The following COL4A5 variants were observed in gnomAD, a reference collection of about 807,000 sequenced individuals.
COL4A5 encodes the protein collagen type IV alpha 5 chain.
In COL4A5, 26 loss-of-function variants were observed where a neutral mutation model predicts 130.2. The observed-to-expected ratio is 0.20, with a 90% CI of 0.15 to 0.28. COL4A5 has a LOEUF of 0.28. Among genes scored for constraint, COL4A5 ranks in the 10% least tolerant of loss-of-function variants. The probability of loss-of-function intolerance (pLI) is 1.00; values close to 1 mark genes in which losing one functional copy is unlikely to be tolerated. For synonymous variants in COL4A5, 496 were observed against 439.6 expected (o/e 1.13, Z -1.60); for missense variants, 1,131 against 1,344.3 (o/e 0.84, Z 2.48).
At chrX:108,681,617 C>T in intron 46 of COL4A5, 143 bp from the exon 47 acceptor site, 3 of 678,192 alleles carry the variant, frequency 4.4e-6, no homozygotes, top group East Asian at 3.3e-5. Flanking sequence ...TTAAGTTTTC[C>T]TAAACAGATT....
intron 17 of COL4A5, among the ~76,000 whole-genome samples, chrX:108,583,507 A>G (rs1405438870): frequency 8.9e-6 from 1 of 111,890 alleles, no homozygotes; most frequent in Non-Finnish European, 1.9e-5. Context: ...CAAAATAACC[A>G]GTCCTCCAAT....
At position 108,476,174 on chromosome X, in the gene COL4A5, T is replaced by C. The variant is rs149287095; in HGVS notation, c.81+35968T>C. Among the ~76,000 whole-genome samples the C allele has an allele frequency of 7.5e-3, 846 of 112,289 alleles. 5 individuals are homozygous for C. Among genetic ancestry groups the C allele is most frequent in the Non-Finnish European group, 0.012 (665 of 53,262 alleles). On this transcript the variant is annotated intron_variant, in intron 1 of 52. Transcript: ENST00000328300. ...AAATGGCTATGAAATTTATGTCAGATGGTTTTTCTTCTAATTGTATACGCC... is the reference window on the plus strand; with the variant it reads ...AAATGGCTATGAAATTTATGTCAGACGGTTTTTCTTCTAATTGTATACGCC...
At chrX:108,597,345 CTCTTTTT>C (rs1218183874) in intron 23 of COL4A5, 25 bp from the exon 24 acceptor site, 1 of 1,165,503 alleles carries the variant, frequency 8.6e-7, no homozygotes, top group Non-Finnish European at 1.2e-6. Flanking sequence ...TCTTTTTCCA[CTCTTTTT>C]TCTTTTTTTC....
intron 1 of COL4A5, among the ~76,000 whole-genome samples, chrX:108,478,988 T>C (rs963868908): frequency 3.6e-5 from 4 of 112,088 alleles, no homozygotes; most frequent in Admixed American, 1.9e-4. Context: ...CAGCAGAGGC[T>C]GTAGCCAGGT....
intron 36 of COL4A5, among the ~76,000 whole-genome samples, chrX:108,653,541 T>C (rs1398561128): frequency 9.0e-6 from 1 of 111,278 alleles, no homozygotes; most frequent in Admixed American, 9.6e-5. Context: ...ATTAAAAACA[T>C]AAATTATTTA....
intron 2 of COL4A5, among the ~76,000 whole-genome samples, chrX:108,546,166 TA>T (rs2065649685): frequency 8.9e-6 from 1 of 111,921 alleles, no homozygotes; most frequent in Non-Finnish European, 1.9e-5. Context: ...GTTAGCTGGT[TA>T]TTTTGCTCGT....
chrX:108,579,496 G>T (rs1480136013), intron 13 of COL4A5, among the ~76,000 whole-genome samples: 1 of 112,055 alleles, frequency 8.9e-6, no homozygotes, highest in Non-Finnish European at 1.9e-5. Context: ...TTAGGTTATG[G>T]TAAGTCAGAA....
intron 19 of COL4A5, among the ~76,000 whole-genome samples, chrX:108,587,879 C>T (rs1264834818): frequency 9.0e-6 from 1 of 111,072 alleles, no homozygotes; most frequent in Non-Finnish European, 1.9e-5. Context: ...GGCAAATCAT[C>T]ACACTTTTCA....
chrX:108,667,508 T>C (rs2147957271), intron 40 of COL4A5, among the ~76,000 whole-genome samples: 1 of 110,138 alleles, frequency 9.1e-6, no homozygotes, highest in African/African-American at 3.3e-5. Context: ...TGTAGAAATA[T>C]ACGCCAATAA....
chrX:108,510,092 G>T (rs1247193085), intron 1 of COL4A5, among the ~76,000 whole-genome samples: 1 of 111,797 alleles, frequency 8.9e-6, no homozygotes, highest in Admixed American at 9.5e-5. Flanking sequence ...ACTTGTAAGT[G>T]GGAGCTAAAT....
Position 108,439,956 on chromosome X carries a change from TTC to T in COL4A5, c.-168_-167del. The T allele has an allele frequency of 6.7e-6, 3 of 449,892 alleles. No homozygotes were observed. The highest frequency in any genetic ancestry group is 1.2e-5 in the Non-Finnish European group (3 of 258,619). 37.1% of individuals were successfully genotyped at this position (449,892 alleles called of 1,213,427 possible). A position where few individuals can be genotyped will look rare whatever the true frequency, so the allele number is the denominator to read the frequency against. ...AAGGAAGAGTAGCTCCTTCTTCTTC[TTC>T]TTTTTTTTTTCTTCCACTCTTAAAA... On this transcript the variant is annotated 5_prime_UTR_variant, in exon 1 of 53. Coordinates refer to ENST00000328300, the MANE Select transcript of COL4A5 (RefSeq NM_033380.3).
chrX:108,571,895 A>C (rs2066071067), intron 8 of COL4A5, 58 bp downstream of exon 8: 2 of 892,329 alleles, frequency 2.2e-6, no homozygotes, highest in Admixed American at 2.2e-5. Context: ...AAAGCTGGCA[A>C]CTTCAATAGG....
In COL4A5 at chrX:108,526,607, T is replaced by C. The variant is rs1276223556; in HGVS notation, c.82-13139T>C. Among the ~76,000 whole-genome samples the C allele has an allele frequency of 1.4e-3, 67 of 47,420 alleles. 2 individuals are homozygous for C. The highest frequency in any genetic ancestry group is 8.5e-3 in the African/African-American group (59 of 6,942). The allele number at this position is 47,420 out of a possible 115,157, so 41.2% of individuals were successfully genotyped here. A position where few individuals can be genotyped will look rare whatever the true frequency, so the allele number is the denominator to read the frequency against. On this transcript the variant is annotated intron_variant, in intron 1 of 52. Coordinates refer to ENST00000328300, the MANE Select transcript of COL4A5 (RefSeq NM_033380.3). Reference sequence around the variant, plus strand: ...TCCCTCCCTCCCTCCTTTCTTTCTTTCTTTCTTTCTTTCTTTCTTTCTTTC... The same window carrying C: ...TCCCTCCCTCCCTCCTTTCTTTCTTCCTTTCTTTCTTTCTTTCTTTCTTTC...
At chrX:108,655,306 A>C in intron 36 of COL4A5, 25 bp from the exon 37 acceptor site, 2 of 1,205,363 alleles carry the variant, frequency 1.7e-6, no homozygotes, top group Non-Finnish European at 2.2e-6. Flanking sequence ...AGACTTCAGT[A>C]TTATCTTTTT....
chrX:108,570,686 G>A (rs1318108847), intron 6 of COL4A5, among the ~76,000 whole-genome samples: 2 of 111,280 alleles, frequency 1.8e-5, no homozygotes, highest in East Asian at 5.6e-4. Flanking sequence ...TTTTCCATGT[G>A]TAACAAGGTG....
chrX:108,538,410 TGTGA>T (rs1324348522), intron 1 of COL4A5, among the ~76,000 whole-genome samples: 1 of 111,712 alleles, frequency 9.0e-6, no homozygotes, highest in Admixed American at 9.6e-5. Context: ...CCTCTTGTAG[TGTGA>T]GTGAGAGATT....
chrX:108,566,971 A>ATC (rs371127213), intron 4 of COL4A5, among the ~76,000 whole-genome samples: 6 of 111,609 alleles, frequency 5.4e-5, no homozygotes, highest in Non-Finnish European at 9.4e-5. Context: ...TCTTCCCCTC[A>ATC]TCTCTCTCTC....
chrX:108,581,612 A>G (rs2066251283), intron 16 of COL4A5, among the ~76,000 whole-genome samples: 1 of 110,594 alleles, frequency 9.0e-6, no homozygotes, highest in Non-Finnish European at 1.9e-5. Flanking sequence ...AATTTTGCCT[A>G]TTCCCAAATG....
intron 2 of COL4A5, among the ~76,000 whole-genome samples, chrX:108,543,415 T>C (rs1253197582): frequency 1.8e-5 from 2 of 111,411 alleles, no homozygotes; most frequent in African/African-American, 3.3e-5. Flanking sequence ...ATCAGAAAGT[T>C]GTAGATGTGT....
Sources: allele counts gnomAD v4.1 joint callset (sites outside exome capture counted in the v4.1 genomes callset), GRCh38; gene constraint gnomAD v4.1.1; transcripts MANE v1.5; gene names NCBI Gene and HGNC (gene_info 2026-07-23, HGNC 2026-07-21).